CCDC158: variants seen among roughly 807,000 people sequenced by gnomAD.
CCDC158 encodes the protein coiled-coil domain containing 158.
A neutral mutation model predicts 138.6 loss-of-function variants in CCDC158; 116 were observed. The ratio of observed to expected loss-of-function variants is 0.84; its 90% CI spans 0.72 to 0.98. The LOEUF (loss-of-function observed/expected upper bound fraction) is 0.98. CCDC158 is among the 50% of genes least tolerant of loss of function. The probability of loss-of-function intolerance (pLI) is 0.00; values close to 1 mark genes in which losing one functional copy is unlikely to be tolerated. For missense variants in CCDC158, 1,265 were observed against 1,306.1 expected (o/e 0.97, Z 0.48); for synonymous variants, 436 against 442.4 (o/e 0.99, Z 0.18).
rs752131769 is a variant in CCDC158, at chr4:76,403,239, T to C, written c.-32A>G. 1 of 1,442,650 alleles carries C rather than the reference T, an allele frequency of 6.9e-7. No homozygotes were observed. Among genetic ancestry groups the C allele is most frequent in the South Asian group, 1.2e-5 (1 of 83,286 alleles). The allele number at this position is 1,442,650 out of a possible 1,614,324, so 89.4% of individuals were successfully genotyped here. A position where few individuals can be genotyped will look rare whatever the true frequency, so the allele number is the denominator to read the frequency against. ...TATTGCTACTTCTTATTAGAGATCT[T>C]GAAGTATGAATGGTTCCCTCTTTGG... On this transcript the variant is annotated 5_prime_UTR_variant, in exon 3 of 25. Transcript: ENST00000682701.
At chr4:76,346,992 C>G (rs541468419) in intron 18 of CCDC158, among the ~76,000 whole-genome samples, 2 of 152,180 alleles carry the variant, frequency 1.3e-5, no homozygotes, top group Non-Finnish European at 2.9e-5. Flanking sequence ...CATCTCATGC[C>G]AGTTAGAATG....
At position 76,353,198 on chromosome 4, in the gene CCDC158, C is replaced by T. The variant is rs1198476350; in HGVS notation, c.2370G>A (p.Gly790=). The part of the protein sequence containing the change: ...TVATEKNKMA[G]ELEVLRSQER... ...CCTGAGATCGCAGAACTTCCAACTC[C>T]CCAGCCATCTTGTTTTTTTCTGTGG... is the stretch of plus-strand genomic sequence containing the variant. The change falls in exon 16 of 25, where the codon GGG becomes GGA. Residue 790 remains glycine, a synonymous_variant. Transcript: ENST00000682701. 6.2e-7 allele frequency: 1 copy of T among 1,613,796 alleles called. No homozygotes were observed. The highest frequency in any genetic ancestry group is 8.5e-7 in the Non-Finnish European group (1 of 1,179,870).
At chr4:76,328,860 C>T (rs1720761544) in intron 22 of CCDC158, 40 bp downstream of exon 22, 2 of 1,531,482 alleles carry the variant, frequency 1.3e-6, no homozygotes, top group Non-Finnish European at 9.1e-7. Flanking sequence ...AATGGGGAGA[C>T]ATTGTAGGGC....
rs567568604 is a variant in CCDC158, at chr4:76,369,652, T to C, written c.1150-29A>G. On this transcript the variant is annotated intron_variant, in intron 10 of 24. Transcript: ENST00000682701. ...AAAAAAGAGAGGAATGCTTTTTTCC[T>C]CCCTGCTATTAAATAATTAAGATAA... is the stretch of plus-strand genomic sequence containing the variant. 2.7e-4 allele frequency: 420 copies of C among 1,566,746 alleles called. 6 individuals carry two copies. In the South Asian group the frequency reaches 4.4e-3, roughly 16 times the overall value.
In CCDC158 at chr4:76,323,423, G is replaced by C; in HGVS notation, c.3170-14C>G. 6.4e-7 allele frequency: 1 copy of C among 1,573,656 alleles called. No homozygotes were observed. Among genetic ancestry groups the C allele is most frequent in the South Asian group, 1.2e-5 (1 of 86,778 alleles). On this transcript the variant is annotated splice_polypyrimidine_tract_variant and intron_variant, in intron 23 of 24. Coordinates refer to ENST00000682701, the MANE Select transcript of CCDC158 (RefSeq NM_001394954.1). ...GAGACTGTGAATCTATTAGAAAATT[G>C]CTTAGATGTGATATTAAAAGTCTAC...
At chr4:76,419,987 G>A (rs1025411929) in intron 1 of CCDC158, among the ~76,000 whole-genome samples, 2 of 149,460 alleles carry the variant, frequency 1.3e-5, no homozygotes, top group Non-Finnish European at 3.0e-5. Flanking sequence ...CACAACAACA[G>A]TAAGGGCTTT....
At chr4:76,401,782 A>G (rs1328305329) in intron 3 of CCDC158, among the ~76,000 whole-genome samples, 1 of 152,202 alleles carries the variant, frequency 6.6e-6, no homozygotes, top group African/African-American at 2.4e-5. Flanking sequence ...CTATGAGGAC[A>G]GTATTACAGG....
chr4:76,411,787 C>A (rs17001919), intron 2 of CCDC158, among the ~76,000 whole-genome samples: 1 of 152,206 alleles, frequency 6.6e-6, no homozygotes, highest in East Asian at 1.9e-4. Context: ...TTTTTCAAAC[C>A]CTTCTTAAGC....
At chr4:76,396,824 C>T (rs572588891) in intron 3 of CCDC158, among the ~76,000 whole-genome samples, 7 of 152,260 alleles carry the variant, frequency 4.6e-5, no homozygotes, top group East Asian at 1.9e-4. Flanking sequence ...TGAGCCACCA[C>T]GCCTGGCCCA....
chr4:76,342,016 C>A (rs2110136523), intron 18 of CCDC158, among the ~76,000 whole-genome samples: 1 of 152,168 alleles, frequency 6.6e-6, no homozygotes, highest in Middle Eastern at 3.4e-3. Flanking sequence ...TAATTAAGGA[C>A]ATAAGTTCTG....
chr4:76,347,212 A>G (rs1413736716), intron 18 of CCDC158, among the ~76,000 whole-genome samples: 2 of 152,242 alleles, frequency 1.3e-5, no homozygotes, highest in African/African-American at 4.8e-5. Context: ...ATTCTGCTAT[A>G]AAGACACATG....
chr4:76,314,142 C>A (rs114181556), intron 24 of CCDC158, among the ~76,000 whole-genome samples: 1,836 of 152,262 alleles, frequency 0.012, 39 homozygotes, highest in African/African-American at 0.041. Context: ...TCCCAGAATT[C>A]CCCCTAAAAA....
At chr4:76,377,303 C>A (rs186183694) in intron 9 of CCDC158, among the ~76,000 whole-genome samples, 3 of 152,254 alleles carry the variant, frequency 2.0e-5, no homozygotes. Context: ...TAGTACTTTG[C>A]GGCTTTTCAA....
intron 17 of CCDC158, 29 bp downstream of exon 17, chr4:76,351,691 G>T: frequency 7.3e-7 from 1 of 1,373,616 alleles, no homozygotes; most frequent in Non-Finnish European, 1.0e-6. Flanking sequence ...CATTATTTTC[G>T]CTTAAACTAA....
At chr4:76,318,200 C>A (rs912137336) in intron 24 of CCDC158, among the ~76,000 whole-genome samples, 2 of 151,876 alleles carry the variant, frequency 1.3e-5, no homozygotes, top group Non-Finnish European at 2.9e-5. Flanking sequence ...AAATAAAAAA[C>A]AATACAAAAG....
In CCDC158 at chr4:76,392,474, G is replaced by T. The variant is rs373291082; in HGVS notation, c.288+3795C>A. Among the ~76,000 whole-genome samples the T allele has an allele frequency of 1.3e-4, 20 of 151,610 alleles. No individual in the cohort carries two copies. In the East Asian group the frequency reaches 3.5e-3, roughly 26 times the overall value. ...TGGGTATAGAATAGAAAATAATGAA[G>T]CACACTTACAAGATCAACATAATAA... On this transcript the variant is annotated intron_variant, in intron 4 of 24. Transcript: ENST00000682701.
chr4:76,418,917 A>G (rs1486573673), intron 1 of CCDC158, among the ~76,000 whole-genome samples: 2 of 152,150 alleles, frequency 1.3e-5, no homozygotes, highest in East Asian at 3.9e-4. Context: ...GAAAACTCCA[A>G]AGTATCTTAA....
intron 2 of CCDC158, among the ~76,000 whole-genome samples, chr4:76,403,751 C>T (rs183937278): frequency 3.3e-5 from 5 of 152,178 alleles, no homozygotes; most frequent in Admixed American, 6.5e-5. Flanking sequence ...CCCAAATAAC[C>T]ATAAAATCAA....
intron 21 of CCDC158, 124 bp from the exon 22 acceptor site, chr4:76,329,091 C>T: frequency 2.7e-6 from 2 of 739,112 alleles, no homozygotes; most frequent in Non-Finnish European, 4.7e-6. Context: ...AGATGGCAAT[C>T]ATAACCCTAA....
Sources: gnomAD v4.1 joint callset for allele counts (sites outside exome capture counted in the v4.1 genomes callset) on GRCh38, gnomAD v4.1.1 for gene constraint, MANE v1.5 for transcripts, NCBI Gene and HGNC (gene_info 2026-07-23, HGNC 2026-07-21) for gene names.